MLLT10: variants seen among roughly 807,000 people sequenced by gnomAD.
MLLT10 encodes the protein protein AF-10.
MLLT10 carries 30 observed loss-of-function variants against 129.1 expected under a neutral mutation model. That is an observed-to-expected ratio of 0.23 (90% CI 0.17 to 0.32). The LOEUF is 0.32. Among genes scored for constraint, MLLT10 ranks in the 10% least tolerant of loss-of-function variants. The pLI, the probability that MLLT10 is intolerant of heterozygous loss-of-function variation, is 1.00. For synonymous variants in MLLT10, 490 were observed against 446.4 expected, an observed-to-expected ratio of 1.10 and a Z score of -1.23; for missense variants, 1,119 against 1,268.3, an observed-to-expected ratio of 0.88 and a Z score of 1.79.
intron 8 of MLLT10, among the ~76,000 whole-genome samples, chr10:21,638,322 A>G (rs1274953197): frequency 6.6e-6 from 1 of 151,800 alleles, no homozygotes; most frequent in African/African-American, 2.4e-5. Context: ...TAGCTTAGGT[A>G]TCATAATTTG....
chr10:21,553,878 G>A (rs774883011), intron 3 of MLLT10, among the ~76,000 whole-genome samples: 2 of 152,136 alleles, frequency 1.3e-5, no homozygotes, highest in Non-Finnish European at 2.9e-5. Flanking sequence ...TCGAACTCCT[G>A]AACACAGGTG....
intron 3 of MLLT10, among the ~76,000 whole-genome samples, chr10:21,582,029 A>ACTGTAT (rs1416934608): frequency 6.6e-6 from 1 of 152,080 alleles, no homozygotes; most frequent in Non-Finnish European, 1.5e-5. Flanking sequence ...TGGGACCACC[A>ACTGTAT]CTGTATATGT....
chr10:21,704,950 C>A (rs2055351425), intron 13 of MLLT10, among the ~76,000 whole-genome samples: 1 of 152,088 alleles, frequency 6.6e-6, no homozygotes, highest in African/African-American at 2.4e-5. Context: ...CAGTCGTGGA[C>A]CAAGCATGCC....
chr10:21,590,742 G>A (rs1346160803), intron 4 of MLLT10, among the ~76,000 whole-genome samples: 2 of 151,998 alleles, frequency 1.3e-5, no homozygotes, highest in East Asian at 1.9e-4. Flanking sequence ...TTTTTTCTTT[G>A]TTTTTATTTT....
intron 13 of MLLT10, among the ~76,000 whole-genome samples, chr10:21,703,800 T>C (rs916427042): frequency 6.6e-6 from 1 of 151,836 alleles, no homozygotes; most frequent in African/African-American, 2.4e-5. Flanking sequence ...CGCCTCAGCC[T>C]CCCAAAGTGC....
intron 8 of MLLT10, among the ~76,000 whole-genome samples, chr10:21,646,941 C>T (rs780219647): frequency 2.6e-5 from 4 of 151,814 alleles, no homozygotes; most frequent in Non-Finnish European, 5.9e-5. Context: ...CTGCAAGCTC[C>T]GCCTCTCGAG....
At chr10:21,583,560 G>A (rs2041683828) in intron 3 of MLLT10, among the ~76,000 whole-genome samples, 1 of 152,092 alleles carries the variant, frequency 6.6e-6, no homozygotes, top group African/African-American at 2.4e-5. Flanking sequence ...AGTTCTGTAG[G>A]CTGTACAAGT....
chr10:21,668,389 C>T (rs1404340361), intron 9 of MLLT10, among the ~76,000 whole-genome samples: 1 of 152,030 alleles, frequency 6.6e-6, no homozygotes, highest in African/African-American at 2.4e-5. Flanking sequence ...CCCAACAGCA[C>T]ATTATGGAAC....
intron 11 of MLLT10, among the ~76,000 whole-genome samples, chr10:21,677,770 A>G (rs150746258): frequency 1.3e-5 from 2 of 152,300 alleles, no homozygotes; most frequent in African/African-American, 4.8e-5. Context: ...TGCTGTTTTT[A>G]AAAGATTGAC....
chr10:21,712,829 A>G (rs1161685207), intron 13 of MLLT10, among the ~76,000 whole-genome samples: 1 of 152,264 alleles, frequency 6.6e-6, no homozygotes, highest in Non-Finnish European at 1.5e-5. Flanking sequence ...CCTGGTTGAG[A>G]ACGGCTGGTT....
intron 8 of MLLT10, among the ~76,000 whole-genome samples, chr10:21,631,076 C>T (rs867395037): frequency 2.0e-5 from 3 of 151,882 alleles, no homozygotes; most frequent in South Asian, 2.1e-4. Flanking sequence ...TTGGGGAGGC[C>T]GAGGTGGGCG....
chr10:21,682,145 A>G (rs1376512186), intron 12 of MLLT10, 80 bp from the exon 13 acceptor site: 2 of 1,133,202 alleles, frequency 1.8e-6, no homozygotes, highest in African/African-American at 1.6e-5. Flanking sequence ...TTATTATACT[A>G]ATTCAGTGTA....
intron 21 of MLLT10, 128 bp downstream of exon 21, chr10:21,735,363 C>T: frequency 1.3e-6 from 1 of 746,812 alleles, no homozygotes; most frequent in South Asian, 1.8e-5. Flanking sequence ...GTTTTTCTTG[C>T]CATGTGGTAC....
chr10:21,553,218 A>G (rs1050142952), intron 3 of MLLT10, among the ~76,000 whole-genome samples: 3 of 152,156 alleles, frequency 2.0e-5, no homozygotes, highest in Non-Finnish European at 4.4e-5. Context: ...GTTTGACAGA[A>G]TACATAGAAT....
intron 3 of MLLT10, among the ~76,000 whole-genome samples, chr10:21,582,400 G>A (rs1393774363): frequency 6.6e-6 from 1 of 152,134 alleles, no homozygotes; most frequent in Admixed American, 6.6e-5. Context: ...GATTATAGGT[G>A]TGAGCCACTA....
At chr10:21,580,651 A>G (rs950779724) in intron 3 of MLLT10, among the ~76,000 whole-genome samples, 1 of 151,906 alleles carries the variant, frequency 6.6e-6, no homozygotes, top group African/African-American at 2.4e-5. Flanking sequence ...CGGCCTCCCA[A>G]GGTGCTGGGA....
At chr10:21,714,368 A>G (rs73592601) in intron 14 of MLLT10, among the ~76,000 whole-genome samples, 2,176 of 152,276 alleles carry the variant, frequency 0.014, 52 homozygotes, top group African/African-American at 0.049. Context: ...GTGTAGGAGA[A>G]TGTAGGTTAA....
intron 4 of MLLT10, among the ~76,000 whole-genome samples, chr10:21,589,485 C>T (rs2042296477): frequency 6.6e-6 from 1 of 152,004 alleles, no homozygotes; most frequent in Non-Finnish European, 1.5e-5. Flanking sequence ...AGCCACTGCA[C>T]CTGGTGTAAA....
At chr10:21,688,631 C>A in intron 13 of MLLT10, 3 of 1,056,042 alleles carry the variant, frequency 2.8e-6, no homozygotes, top group South Asian at 1.5e-5. Flanking sequence ...CCAGTGTTAG[C>A]AGTATGTACT....
Sources: allele counts gnomAD v4.1 joint callset (sites outside exome capture counted in the v4.1 genomes callset), GRCh38; gene constraint gnomAD v4.1.1; transcripts MANE v1.5; gene names NCBI Gene and HGNC (gene_info 2026-07-23, HGNC 2026-07-21).